Variants in DHRSX observed in about 807,000 individuals in gnomAD.
DHRSX encodes dehydrogenase/reductase X-linked.
DHRSX carries 31 observed loss-of-function variants against 34.0 expected under a neutral mutation model. That is an observed-to-expected ratio of 0.91 (90% CI 0.69 to 1.23). The LOEUF (loss-of-function observed/expected upper bound fraction) is 1.23. Among genes scored for constraint, DHRSX ranks in the 50% most tolerant of loss-of-function variants. The probability of loss-of-function intolerance (pLI) is 0.00; values close to 1 mark genes in which losing one functional copy is unlikely to be tolerated. For missense variants in DHRSX, 414 were observed against 428.1 expected (o/e 0.97, Z 0.29); for synonymous variants, 201 against 183.8 (o/e 1.09, Z -0.76).
intron 4 of DHRSX, among the ~76,000 whole-genome samples, chrX:2,274,078 C>T (rs1312113979): frequency 6.6e-6 from 1 of 152,106 alleles, no homozygotes; most frequent in Non-Finnish European, 1.5e-5. Context: ...TGCTGTGTCA[C>T]CCAGACTGGA....
At position 2,460,585 on chromosome X, in the gene DHRSX, T is replaced by C. The variant is rs1362307055; in HGVS notation, c.110-35281A>G. Among the ~76,000 whole-genome samples, 7 of 147,722 alleles carry C rather than the reference T, an allele frequency of 4.7e-5. No individual in the cohort carries two copies. The East Asian group carries it at 1.4e-3, about 29-fold the overall frequency. On this transcript the variant is annotated intron_variant, in intron 1 of 6. Coordinates refer to ENST00000334651, the MANE Select transcript of DHRSX (RefSeq NM_145177.3). ...ACACGTGTGCCACCACGTCTGGCTT[T>C]TTTTTTTTTTTTTAGAGACAGCATC... is the stretch of plus-strand genomic sequence containing the variant.
chrX:2,378,324 A>G (rs1291691757), intron 3 of DHRSX, among the ~76,000 whole-genome samples: 2 of 152,132 alleles, frequency 1.3e-5, no homozygotes, highest in Admixed American at 1.3e-4. Flanking sequence ...CAGCTCCAGG[A>G]AACTAAAATA....
intron 3 of DHRSX, among the ~76,000 whole-genome samples, chrX:2,374,046 A>C (rs1451573279): frequency 6.6e-6 from 1 of 152,196 alleles, no homozygotes; most frequent in Non-Finnish European, 1.5e-5. Context: ...CTGCACCTGC[A>C]CACCTGCCCT....
At chrX:2,229,826 CATGT>C (rs1226630112) in intron 6 of DHRSX, among the ~76,000 whole-genome samples, 1 of 151,652 alleles carries the variant, frequency 6.6e-6, no homozygotes, top group Non-Finnish European at 1.5e-5. Flanking sequence ...TGTATGCATG[CATGT>C]GAATGTGTAC....
At chrX:2,267,016 C>T in intron 4 of DHRSX, 69 bp from the exon 5 acceptor site, 2 of 1,526,800 alleles carry the variant, frequency 1.3e-6, no homozygotes, top group Non-Finnish European at 1.8e-6. Context: ...CAGATGGATT[C>T]CCCAGATGCG....
At chrX:2,294,022 G>T (rs1346166008) in intron 3 of DHRSX, among the ~76,000 whole-genome samples, 2 of 151,384 alleles carry the variant, frequency 1.3e-5, no homozygotes, top group African/African-American at 2.4e-5. Flanking sequence ...GAGATGGAGT[G>T]TAAGAATGAG....
chrX:2,395,019 AG>A (rs1414163263), intron 3 of DHRSX, among the ~76,000 whole-genome samples: 1 of 151,918 alleles, frequency 6.6e-6, no homozygotes, highest in Non-Finnish European at 1.5e-5. Context: ...TGATGGGGAG[AG>A]GTTCGAGTCC....
intron 3 of DHRSX, among the ~76,000 whole-genome samples, chrX:2,320,608 T>C (rs775364766): frequency 3.4e-5 from 5 of 145,350 alleles, no homozygotes; most frequent in African/African-American, 1.3e-4. Context: ...GCAAGTCTGT[T>C]TTGATTGGAT....
At chrX:2,326,044 A>G (rs1457804019) in intron 3 of DHRSX, among the ~76,000 whole-genome samples, 1 of 152,216 alleles carries the variant, frequency 6.6e-6, no homozygotes, top group Non-Finnish European at 1.5e-5. Flanking sequence ...ACTGAAAATC[A>G]GCAACTCTGC....
intron 5 of DHRSX, among the ~76,000 whole-genome samples, chrX:2,265,838 G>A (rs34758554): frequency 0.38 from 48,237 of 127,094 alleles, 9,683 homozygotes; most frequent in Middle Eastern, 0.52. Flanking sequence ...GAGCACCAGT[G>A]TACAGCAGAC....
At chrX:2,420,231 A>ACC (rs746412813) in intron 2 of DHRSX, among the ~76,000 whole-genome samples, 1 of 149,952 alleles carries the variant, frequency 6.7e-6, no homozygotes, top group East Asian at 2.0e-4. Context: ...ACATGGTGAA[A>ACC]CCCCCCCTCT....
intron 1 of DHRSX, among the ~76,000 whole-genome samples, chrX:2,455,788 C>T (rs5939149): frequency 0.99 from 147,849 of 149,346 alleles, 73,195 homozygotes; most frequent in Middle Eastern, 1. Flanking sequence ...CAAAACACTG[C>T]ATGCTTCTAT....
intron 1 of DHRSX, among the ~76,000 whole-genome samples, chrX:2,480,503 G>A (rs2124048770): frequency 7.8e-6 from 1 of 128,340 alleles, no homozygotes; most frequent in South Asian, 3.0e-4. Flanking sequence ...GCAACATAAT[G>A]AAACCGCATC....
intron 1 of DHRSX, among the ~76,000 whole-genome samples, chrX:2,441,888 T>C: frequency 6.6e-6 from 1 of 151,916 alleles, no homozygotes. Context: ...CTGGCCAACA[T>C]GGTGAAACTC....
intron 4 of DHRSX, among the ~76,000 whole-genome samples, chrX:2,285,265 T>A (rs772436186): frequency 1.6e-3 from 250 of 152,268 alleles, no homozygotes; most frequent in African/African-American, 5.9e-3. Context: ...GTGGGAGCCC[T>A]GAGCTTGTTT....
chrX:2,273,915 C>T (rs192581036), intron 4 of DHRSX, among the ~76,000 whole-genome samples: 6 of 152,298 alleles, frequency 3.9e-5, no homozygotes, highest in Non-Finnish European at 5.9e-5. Flanking sequence ...ACTCGCCTGG[C>T]GGGGAAGCTG....
chrX:2,451,280 G>T, intron 1 of DHRSX, among the ~76,000 whole-genome samples: 1 of 148,488 alleles, frequency 6.7e-6, no homozygotes. Context: ...GGTGCACAAA[G>T]GCAGCCAGGG....
chrX:2,220,217 C>T lies in DHRSX; in HGVS notation c.*824G>A, dbSNP rs1442571342. On this transcript the variant is annotated 3_prime_UTR_variant, in exon 7 of 7. Coordinates refer to ENST00000334651, the MANE Select transcript of DHRSX (RefSeq NM_145177.3). ...ACTCCAGTCTCTGTCTGCATCATCACACGAATATCTTGTCTTCTGTACTCA... is the reference window on the plus strand; with the variant it reads ...ACTCCAGTCTCTGTCTGCATCATCATACGAATATCTTGTCTTCTGTACTCA... 1 of 152,208 alleles carries T rather than the reference C, an allele frequency of 6.6e-6. No homozygotes were observed. The highest frequency in any genetic ancestry group is 2.4e-5 in the African/African-American group (1 of 41,426). The allele number at this position is 152,208 out of a possible 1,614,324, so 9.4% of individuals were successfully genotyped here. A position where few individuals can be genotyped will look rare whatever the true frequency, so the allele number is the denominator to read the frequency against.
At chrX:2,360,178 C>G (rs1027949843) in intron 3 of DHRSX, among the ~76,000 whole-genome samples, 3 of 151,936 alleles carry the variant, frequency 2.0e-5, no homozygotes, top group Admixed American at 2.0e-4. Context: ...CCATTGCCAC[C>G]CACGGCAAAA....
Sources: allele counts gnomAD v4.1 joint callset (sites outside exome capture counted in the v4.1 genomes callset), GRCh38; gene constraint gnomAD v4.1.1; transcripts MANE v1.5; gene names NCBI Gene and HGNC (gene_info 2026-07-23, HGNC 2026-07-21).